WWOX: variants seen among roughly 807,000 people sequenced by gnomAD.
WWOX encodes the protein WW domain containing oxidoreductase.
A neutral mutation model predicts 46.2 loss-of-function variants in WWOX; 69 were observed. The observed-to-expected ratio is 1.49, with a 90% CI of 1.23 to 1.82. WWOX has a LOEUF of 1.82. WWOX is among the 40% of genes most tolerant of loss of function. The pLI, the probability that WWOX is intolerant of heterozygous loss-of-function variation, is 0.00. For synonymous variants in WWOX, 359 were observed against 202.6 expected (o/e 1.77, Z -6.56); for missense variants, 919 against 542.6 (o/e 1.69, Z -6.89).
chr16:78,413,572 C>T (rs3207233), intron 6 of WWOX, among the ~76,000 whole-genome samples: 33 of 152,202 alleles, frequency 2.2e-4, no homozygotes, highest in African/African-American at 7.9e-4. Context: ...AAGCAAATCA[C>T]AATGGGGGAA....
chr16:78,276,361 C>A (rs1215783953), intron 5 of WWOX, among the ~76,000 whole-genome samples: 1 of 152,164 alleles, frequency 6.6e-6, no homozygotes, highest in Non-Finnish European at 1.5e-5. Context: ...GAGTGAGCAT[C>A]CAGCAAGTGG....
At chr16:78,898,359 A>C (rs2044749599) in intron 8 of WWOX, 1 of 152,148 alleles carries the variant, frequency 6.6e-6, no homozygotes, top group African/African-American at 2.4e-5. Flanking sequence ...TTCTCTCCAT[A>C]AGACTCTCCA....
At chr16:78,580,340 T>C (rs772347794) in intron 8 of WWOX, among the ~76,000 whole-genome samples, 80 of 152,258 alleles carry the variant, frequency 5.3e-4, no homozygotes, top group Non-Finnish European at 9.7e-4. Flanking sequence ...TCCCAAAGTA[T>C]TGGAATATCC....
chr16:78,315,743 C>T (rs559880746), intron 5 of WWOX, among the ~76,000 whole-genome samples: 3 of 152,242 alleles, frequency 2.0e-5, no homozygotes, highest in Non-Finnish European at 2.9e-5. Flanking sequence ...CTTACACTGT[C>T]TGGTTCATCC....
chr16:78,822,916 G>A (rs77984730), intron 8 of WWOX, among the ~76,000 whole-genome samples: 19,084 of 151,088 alleles, frequency 0.13, 1,523 homozygotes, highest in Non-Finnish European at 0.18. Flanking sequence ...GCTTGATAAA[G>A]CCAAAAAACT....
At chr16:79,142,415 C>A (rs1188881155) in intron 8 of WWOX, among the ~76,000 whole-genome samples, 2 of 152,208 alleles carry the variant, frequency 1.3e-5, no homozygotes, top group African/African-American at 4.8e-5. Context: ...AGCTTGATTT[C>A]AGCCATAGTG....
At chr16:79,069,585 A>C (rs887788587) in intron 8 of WWOX, among the ~76,000 whole-genome samples, 1 of 151,862 alleles carries the variant, frequency 6.6e-6, no homozygotes, top group African/African-American at 2.4e-5. Context: ...AAGCTAATAA[A>C]CAGTGCTAGT....
At chr16:78,263,679 C>T (rs758191182) in intron 5 of WWOX, among the ~76,000 whole-genome samples, 33 of 152,132 alleles carry the variant, frequency 2.2e-4, no homozygotes, top group Admixed American at 9.8e-4. Context: ...TTGTTCCACT[C>T]AAATGTAGAT....
intron 8 of WWOX, among the ~76,000 whole-genome samples, chr16:79,115,455 CTG>C (rs1567560034): frequency 3.9e-3 from 6 of 1,546 alleles, no homozygotes; most frequent in Admixed American, 0.019. Flanking sequence ...CCCACAGGTG[CTG>C]CTCTTGTTAT....
At chr16:78,940,247 G>C (rs1406471368) in intron 8 of WWOX, among the ~76,000 whole-genome samples, 1 of 152,078 alleles carries the variant, frequency 6.6e-6, no homozygotes, top group Non-Finnish European at 1.5e-5. Context: ...AATAGAATAC[G>C]GAGTATATAT....
At chr16:78,791,680 C>G (rs1303649909) in intron 8 of WWOX, among the ~76,000 whole-genome samples, 1 of 152,038 alleles carries the variant, frequency 6.6e-6, no homozygotes, top group East Asian at 1.9e-4. Flanking sequence ...AAGTTCGAGA[C>G]CAGCCTGGCC....
intron 8 of WWOX, among the ~76,000 whole-genome samples, chr16:78,740,233 G>A (rs539903877): frequency 5.3e-5 from 8 of 152,334 alleles, no homozygotes; most frequent in African/African-American, 1.9e-4. Flanking sequence ...GAAGGCTGGA[G>A]TCTTCAGGCG....
At chr16:78,765,016 G>A (rs1044069964) in intron 8 of WWOX, among the ~76,000 whole-genome samples, 2 of 152,190 alleles carry the variant, frequency 1.3e-5, no homozygotes, top group Non-Finnish European at 2.9e-5. Context: ...GAAGGAACAG[G>A]ACAAGAACCC....
chr16:78,385,555 C>A (rs1489691409), intron 5 of WWOX, among the ~76,000 whole-genome samples: 5 of 152,064 alleles, frequency 3.3e-5, no homozygotes, highest in Non-Finnish European at 5.9e-5. Flanking sequence ...GTTTACTGCT[C>A]AAAGCTTAGG....
Position 79,150,675 on chromosome 16 carries a change from A to T in WWOX, c.1057-60933A>T, listed in dbSNP as rs369043241. On this transcript the variant is annotated intron_variant, in intron 8 of 8. Coordinates refer to ENST00000566780, the MANE Select transcript of WWOX (RefSeq NM_016373.4). ...TATTAAATCATCCCTTTTTCTTGAGATGGTGTCACGTCGTTGCCCAGGCCA... is the reference window on the plus strand; with the variant it reads ...TATTAAATCATCCCTTTTTCTTGAGTTGGTGTCACGTCGTTGCCCAGGCCA... 2.7e-3 allele frequency among the ~76,000 whole-genome samples: 411 copies of T among 152,202 alleles called. 8 individuals are homozygous for T. The Middle Eastern group carries it at 0.034, about 13-fold the overall frequency.
At chr16:78,383,251 T>C (rs570487314) in intron 5 of WWOX, among the ~76,000 whole-genome samples, 7 of 152,116 alleles carry the variant, frequency 4.6e-5, no homozygotes, top group Middle Eastern at 3.4e-3. Context: ...TAGTAAATTG[T>C]GTTGTGTTGA....
chr16:79,191,319 G>T (rs28707448), intron 8 of WWOX, among the ~76,000 whole-genome samples: 9,564 of 152,158 alleles, frequency 0.063, 346 homozygotes, highest in East Asian at 0.18. Context: ...GCCTCCCAAA[G>T]TGCTGGGATC....
chr16:78,486,756 T>C (rs2084647661), intron 8 of WWOX, among the ~76,000 whole-genome samples: 1 of 152,070 alleles, frequency 6.6e-6, no homozygotes, highest in South Asian at 2.1e-4. Flanking sequence ...GTATTTTCAG[T>C]TGAGATAAGG....
rs186448611 is a variant in WWOX, at chr16:78,578,579, C to T, written c.1056+145827C>T. ...CTGGGATTACAGGCGTGAGCCACCG[C>T]GGCTGGCGAAAATTATATATTATAC... On this transcript the variant is annotated intron_variant, in intron 8 of 8. Transcript: ENST00000566780. Among the ~76,000 whole-genome samples the T allele has an allele frequency of 4.2e-3, 645 of 151,812 alleles. 6 individuals carry two copies. Among genetic ancestry groups the T allele is most frequent in the African/African-American group, 0.015 (607 of 41,372 alleles).
Sources: gnomAD v4.1 joint callset for allele counts (sites outside exome capture counted in the v4.1 genomes callset) on GRCh38, gnomAD v4.1.1 for gene constraint, MANE v1.5 for transcripts, NCBI Gene and HGNC (gene_info 2026-07-23, HGNC 2026-07-21) for gene names.